The following AHCTF1 variants were observed in gnomAD, a reference collection of about 807,000 sequenced individuals.
The protein encoded by AHCTF1 is AT-hook containing transcription factor 1, also known as protein ELYS.
A neutral mutation model predicts 248.4 loss-of-function variants in AHCTF1; 24 were observed. The ratio of observed to expected loss-of-function variants is 0.10; its 90% CI spans 0.07 to 0.14. The LOEUF is 0.14. Among genes scored for constraint, AHCTF1 ranks in the 10% least tolerant of loss-of-function variants. The probability of loss-of-function intolerance (pLI) is 1.00; values close to 1 mark genes in which losing one functional copy is unlikely to be tolerated. For synonymous variants in AHCTF1, 786 were observed against 929.8 expected, an observed-to-expected ratio of 0.85 and a Z score of 2.81; for missense variants, 2,206 against 2,636.2, an observed-to-expected ratio of 0.84 and a Z score of 3.57.
rs1297460811 is a variant in AHCTF1, at chr1:246,889,608, C to CCCAGG, written c.2144+357_2144+358insCCTGG. Among the ~76,000 whole-genome samples, 642 of 152,302 alleles carry CCCAGG rather than the reference C, an allele frequency of 4.2e-3. 6 individuals are homozygous for CCCAGG. The highest frequency in any genetic ancestry group is 0.015 in the African/African-American group (623 of 41,556). On this transcript the variant is annotated intron_variant, in intron 17 of 35. Transcript: ENST00000648844. ...TACAGCCGGCACAGATTTTAAAGTA[C>CCCAGG]TGATTCCCAGGTGATTCAGGTGTAA... is the stretch of plus-strand genomic sequence containing the variant.
chr1:246,851,081 G>A lies in AHCTF1; in HGVS notation c.4925C>T (p.Pro1642Leu), dbSNP rs1425198828. 3 of 1,613,888 alleles carry A rather than the reference G, an allele frequency of 1.9e-6. No individual in the cohort carries two copies. Among genetic ancestry groups the A allele is most frequent in the Non-Finnish European group, 2.5e-6 (3 of 1,179,846 alleles). The stretch of plus-strand genomic sequence containing the variant: ...CTTTTGGTCACTAGTTACGGCAGAT[G>A]GCAAATTTGCAATTTGTCCATGATT... ...NDNHGQIANLPSAVTSDQKSQ... is the reference protein window; with the variant it reads ...NDNHGQIANLLSAVTSDQKSQ... Residue 1642 changes from proline (P) to leucine (L), a missense_variant, in exon 33 of 36, where the codon CCA (proline) becomes CTA (leucine). This residue lies in a region of AHCTF1 where 955 missense variants were observed against 1,055.6 expected (regional missense o/e 0.90). Transcript: ENST00000648844.
At chr1:246,859,294 G>A (rs929616593) in intron 29 of AHCTF1, among the ~76,000 whole-genome samples, 1 of 152,110 alleles carries the variant, frequency 6.6e-6, no homozygotes, top group African/African-American at 2.4e-5. Context: ...TGTTAAAAAC[G>A]TGTGTAGGGT....
In AHCTF1 at chr1:246,898,312, C is replaced by T. The variant is rs892658705; in HGVS notation, c.1519G>A (p.Gly507Ser). 9.9e-6 allele frequency: 16 copies of T among 1,613,220 alleles called. No individual in the cohort carries two copies. Among genetic ancestry groups the T allele is most frequent in the Non-Finnish European group, 1.4e-5 (16 of 1,179,772 alleles). ...KETLTFLKKS[G>S]PSLNELIPDG... The stretch of plus-strand genomic sequence containing the variant: ...GGAATGAGTTCATTGAGTGATGGAC[C>T]TGATTTCTTTAAAAAAGTCAAAGTC... Residue 507 changes from glycine (G) to serine (S), a missense_variant, in exon 12 of 36, where the codon GGT becomes AGT. Physicochemically the swap from Gly to Ser is moderately conservative, Grantham distance 56. Around this residue, in one of 6 missense-constraint regions of AHCTF1, gnomAD observed 650 missense variants for 870.8 expected, o/e 0.75. Transcript: ENST00000648844.
At chr1:246,895,687 A>C in intron 13 of AHCTF1, 148 bp downstream of exon 13, 1 of 620,768 alleles carries the variant, frequency 1.6e-6, no homozygotes, top group Non-Finnish European at 2.8e-6. Flanking sequence ...AACGTGCTAA[A>C]GGGGGTGGGA....
At chr1:246,929,722 T>C (rs1572486292) in intron 1 of AHCTF1, among the ~76,000 whole-genome samples, 1 of 152,212 alleles carries the variant, frequency 6.6e-6, no homozygotes, top group African/African-American at 2.4e-5. Context: ...ATATTAAAGG[T>C]AGGCGTGAAA....
intron 33 of AHCTF1, among the ~76,000 whole-genome samples, chr1:246,848,211 C>T (rs1660428739): frequency 6.6e-6 from 1 of 151,974 alleles, no homozygotes; most frequent in African/African-American, 2.4e-5. Context: ...TGTATCAGTA[C>T]AACAAGTCAT....
At chr1:246,892,301 CTTTTTTTTTTTT>C (rs74163502) in intron 14 of AHCTF1, among the ~76,000 whole-genome samples, 878 of 64,992 alleles carry the variant, frequency 0.014, 13 homozygotes, top group African/African-American at 0.049. Context: ...ATTTGTTTTA[CTTTTTTTTTTTT>C]TTTTTTTTTT....
intron 28 of AHCTF1, among the ~76,000 whole-genome samples, 192 bp from the exon 29 acceptor site, chr1:246,861,487 T>C (rs1001891322): frequency 1.1e-4 from 16 of 152,332 alleles, no homozygotes; most frequent in African/African-American, 3.8e-4. Flanking sequence ...AATGTTTCCC[T>C]AATTGGTAAT....
intron 21 of AHCTF1, among the ~76,000 whole-genome samples, chr1:246,884,894 TATCAGA>T (rs1405544543): frequency 1.3e-5 from 2 of 152,174 alleles, no homozygotes; most frequent in African/African-American, 4.8e-5. Context: ...TTAACAAAAA[TATCAGA>T]GTACCATTAC....
intron 1 of AHCTF1, among the ~76,000 whole-genome samples, chr1:246,927,151 C>T (rs1265255960): frequency 6.6e-6 from 1 of 151,284 alleles, no homozygotes; most frequent in Non-Finnish European, 1.5e-5. Context: ...GCACTCCAGC[C>T]TGGGCGACAG....
chr1:246,889,287 G>A (rs1279899618), intron 17 of AHCTF1, among the ~76,000 whole-genome samples: 1 of 98,558 alleles, frequency 1.0e-5, no homozygotes, highest in East Asian at 2.8e-4. Flanking sequence ...TTTTTCCCCT[G>A]ATTTCCTTTT....
Position 246,916,397 on chromosome 1 carries a change from T to A in AHCTF1, c.122-2A>T, listed in dbSNP as rs1358184614. The A allele has an allele frequency of 1.9e-6, 3 of 1,595,566 alleles. No homozygotes were observed. The highest frequency in any genetic ancestry group is 3.7e-5 in the Admixed American group (2 of 54,706). ...CCAAGCAAGCAAGTCCATTTTTCCC[T>A]AGAAGAAAAAAAAATTGCCTATTTT... is the stretch of plus-strand genomic sequence containing the variant. On this transcript the variant is annotated splice_acceptor_variant, in intron 2 of 35. Transcript: ENST00000648844. LOFTEE classifies it high-confidence loss of function.
chr1:246,854,433 C>A (rs911412916), intron 31 of AHCTF1, among the ~76,000 whole-genome samples: 1 of 152,014 alleles, frequency 6.6e-6, no homozygotes, highest in Non-Finnish European at 1.5e-5. Flanking sequence ...AAAACAAACC[C>A]CAAAATGGTG....
intron 14 of AHCTF1, among the ~76,000 whole-genome samples, chr1:246,893,534 G>A (rs528985358): frequency 6.6e-6 from 1 of 152,186 alleles, no homozygotes; most frequent in East Asian, 1.9e-4. Flanking sequence ...CCTTATTTTT[G>A]CACTAACTGG....
chr1:246,848,989 T>G (rs1401919573), intron 33 of AHCTF1, among the ~76,000 whole-genome samples: 2 of 152,214 alleles, frequency 1.3e-5, no homozygotes, highest in Non-Finnish European at 2.9e-5. Context: ...ATTAAAATTT[T>G]ATTACTGCAG....
intron 29 of AHCTF1, 89 bp downstream of exon 29, chr1:246,860,810 A>G: frequency 6.6e-7 from 1 of 1,508,116 alleles, no homozygotes; most frequent in Non-Finnish European, 9.0e-7. Context: ...CCTGGCTAGG[A>G]TGCTTTTCTT....
chr1:246,918,240 T>C lies in AHCTF1; in HGVS notation c.121+10A>G. On this transcript the variant is annotated intron_variant, in intron 2 of 35. Transcript: ENST00000648844. ...TTGTATTAGTAAATGTTCAGTGACA[T>C]TATGTTTACCTGCAGCAAACTTTCC... 6.2e-7 allele frequency: 1 copy of C among 1,604,442 alleles called. No homozygotes were observed. The highest frequency in any genetic ancestry group is 1.1e-5 in the South Asian group (1 of 88,966).
intron 2 of AHCTF1, among the ~76,000 whole-genome samples, chr1:246,916,857 T>C (rs542978299): frequency 4.6e-5 from 7 of 152,356 alleles, no homozygotes; most frequent in African/African-American, 1.7e-4. Context: ...CTTTAACTAC[T>C]AAGGCTTAAA....
chr1:246,907,488 T>C, intron 5 of AHCTF1, 63 bp downstream of exon 5: 1 of 1,391,988 alleles, frequency 7.2e-7, no homozygotes, highest in Non-Finnish European at 9.9e-7. Flanking sequence ...TATTAGTAAA[T>C]GAGTACAAGC....
Sources: allele counts gnomAD v4.1 joint callset (sites outside exome capture counted in the v4.1 genomes callset), GRCh38; gene constraint gnomAD v4.1.1; regional missense constraint gnomAD v4.1.1; transcripts MANE v1.5; gene names NCBI Gene and HGNC (gene_info 2026-07-23, HGNC 2026-07-21).